The following MAPKAP1 variants were observed in gnomAD, a reference collection of about 807,000 sequenced individuals.
MAPKAP1 encodes target of rapamycin complex 2 subunit MAPKAP1.
Under a neutral mutation model 65.7 loss-of-function variants are expected in MAPKAP1, and 20 were observed. The ratio of observed to expected loss-of-function variants is 0.30; its 90% confidence interval spans 0.21 to 0.44. The LOEUF (loss-of-function observed/expected upper bound fraction) is 0.44. Ranked by LOEUF, MAPKAP1 falls within the 20% of genes least tolerant of loss-of-function variation. The pLI is 1.00. For synonymous variants in MAPKAP1, 222 were observed against 244.3 expected, an observed-to-expected ratio of 0.91 and a Z score of 0.85; for missense variants, 423 against 648.0, an observed-to-expected ratio of 0.65 and a Z score of 3.77.
chr9:125,554,794 C>CAAAAAAAAAAAAAAAAAAAAAAA, intron 6 of MAPKAP1, among the ~76,000 whole-genome samples: 1 of 65,642 alleles, frequency 1.5e-5, no homozygotes, highest in Non-Finnish European at 2.7e-5. Context: ...AGACACTTAT[C>CAAAAAAAAAAAAAAAAAAAAAAA]AAAAAAAAAA....
chr9:125,686,228 C>T (rs2131834543), intron 1 of MAPKAP1, among the ~76,000 whole-genome samples: 1 of 149,692 alleles, frequency 6.7e-6, no homozygotes, highest in South Asian at 2.1e-4. Flanking sequence ...GGGAGAACGG[C>T]ATGAACCCGG....
intron 4 of MAPKAP1, among the ~76,000 whole-genome samples, chr9:125,611,690 T>C (rs1028642069): frequency 4.6e-5 from 7 of 152,306 alleles, no homozygotes; most frequent in Admixed American, 2.0e-4. Flanking sequence ...GGTGTAACTA[T>C]TTGAAAGGGA....
intron 4 of MAPKAP1, among the ~76,000 whole-genome samples, chr9:125,642,838 C>A (rs2131715962): frequency 6.6e-6 from 1 of 152,250 alleles, no homozygotes; most frequent in Admixed American, 6.5e-5. Flanking sequence ...GTGGAGGTCC[C>A]ACCAGCATTT....
chr9:125,689,801 T>A (rs948758019), intron 1 of MAPKAP1, among the ~76,000 whole-genome samples: 2 of 143,100 alleles, frequency 1.4e-5, no homozygotes, highest in Non-Finnish European at 3.0e-5. Context: ...AACAATGTAC[T>A]ACGGGCCAGG....
intron 4 of MAPKAP1, among the ~76,000 whole-genome samples, chr9:125,638,384 C>G (rs758675901): frequency 6.6e-6 from 1 of 152,118 alleles, no homozygotes; most frequent in Non-Finnish European, 1.5e-5. Flanking sequence ...ACTGGCTGAC[C>G]TTAGGGACAC....
chr9:125,669,954 C>T, intron 2 of MAPKAP1, 47 bp from the exon 3 acceptor site: 2 of 1,142,896 alleles, frequency 1.7e-6, no homozygotes, highest in Non-Finnish European at 2.5e-6. Context: ...GAAAGTTTAC[C>T]ATAAACAAAG....
intron 8 of MAPKAP1, among the ~76,000 whole-genome samples, chr9:125,494,306 G>GC (rs1171695635): frequency 6.6e-6 from 1 of 152,020 alleles, no homozygotes; most frequent in Non-Finnish European, 1.5e-5. Context: ...ACACGTTCAT[G>GC]CCCCCCGCCT....
intron 8 of MAPKAP1, among the ~76,000 whole-genome samples, chr9:125,505,094 T>G (rs573760258): frequency 4.6e-5 from 7 of 152,104 alleles, no homozygotes; most frequent in African/African-American, 1.7e-4. Context: ...ACATCTATAA[T>G]CCCAACATTT....
chr9:125,693,427 ATAT>A (rs1353213200), intron 1 of MAPKAP1, among the ~76,000 whole-genome samples: 11 of 77,016 alleles, frequency 1.4e-4, no homozygotes, highest in African/African-American at 2.7e-4. Flanking sequence ...AAAAAAAAAA[ATAT>A]ATATATATAT....
At chr9:125,677,400 G>GA (rs1834678722) in intron 1 of MAPKAP1, among the ~76,000 whole-genome samples, 1 of 151,766 alleles carries the variant, frequency 6.6e-6, no homozygotes, top group Non-Finnish European at 1.5e-5. Context: ...GACTCCATCT[G>GA]AAAAAAATAA....
intron 1 of MAPKAP1, among the ~76,000 whole-genome samples, chr9:125,695,904 T>C (rs1835368922): frequency 6.6e-6 from 1 of 152,072 alleles, no homozygotes; most frequent in South Asian, 2.1e-4. Flanking sequence ...AATTTTGTAT[T>C]TTTAGTAGAG....
At chr9:125,691,522 T>C (rs1044872957) in intron 1 of MAPKAP1, among the ~76,000 whole-genome samples, 22 of 152,184 alleles carry the variant, frequency 1.4e-4, no homozygotes, top group Non-Finnish European at 3.1e-4. Flanking sequence ...GAGAAAGGTC[T>C]GAGCAAACTT....
chr9:125,515,376 T>A (rs1007173831), intron 7 of MAPKAP1, among the ~76,000 whole-genome samples: 1 of 152,230 alleles, frequency 6.6e-6, no homozygotes, highest in Non-Finnish European at 1.5e-5. Flanking sequence ...CCAACTTTTA[T>A]CTTTGCTACA....
intron 5 of MAPKAP1, among the ~76,000 whole-genome samples, chr9:125,579,709 C>T (rs1589307707): frequency 6.6e-6 from 1 of 152,180 alleles, no homozygotes; most frequent in African/African-American, 2.4e-5. Flanking sequence ...ACAGGGCCAA[C>T]CCACTGGAAA....
At chr9:125,617,106 T>C (rs1023789647) in intron 4 of MAPKAP1, among the ~76,000 whole-genome samples, 3 of 152,228 alleles carry the variant, frequency 2.0e-5, no homozygotes, top group Non-Finnish European at 2.9e-5. Context: ...AATGTATGCA[T>C]AGATCAAAAC....
At chr9:125,647,665 T>C (rs536145348) in intron 4 of MAPKAP1, among the ~76,000 whole-genome samples, 4 of 152,250 alleles carry the variant, frequency 2.6e-5, no homozygotes, top group South Asian at 2.1e-4. Context: ...CTCCACTTGA[T>C]GGCCATATGG....
chr9:125,629,723 T>C (rs1833221458), intron 4 of MAPKAP1, among the ~76,000 whole-genome samples: 2 of 152,224 alleles, frequency 1.3e-5, no homozygotes, highest in African/African-American at 4.8e-5. Context: ...TATTGAACAC[T>C]TAACATTGGT....
chr9:125,478,501 T>A (rs369499712), intron 9 of MAPKAP1, among the ~76,000 whole-genome samples: 14 of 152,150 alleles, frequency 9.2e-5, no homozygotes, highest in African/African-American at 3.1e-4. Flanking sequence ...CTAAGGTTTT[T>A]AAATGTTTTG....
At chr9:125,529,329 A>G (rs374439699) in intron 7 of MAPKAP1, among the ~76,000 whole-genome samples, 4 of 152,102 alleles carry the variant, frequency 2.6e-5, no homozygotes, top group East Asian at 1.9e-4. Flanking sequence ...AGTTCACCCA[A>G]CTGTCACCCT....
Sources: allele counts gnomAD v4.1 joint callset (sites outside exome capture counted in the v4.1 genomes callset), GRCh38; gene constraint gnomAD v4.1.1; transcripts MANE v1.5; gene names NCBI Gene and HGNC (gene_info 2026-07-23, HGNC 2026-07-21).